The following VPS4A variants were observed in gnomAD, a reference collection of about 807,000 sequenced individuals.
VPS4A encodes vacuolar protein sorting 4 homolog A.
In VPS4A, 20 loss-of-function variants were observed where a neutral mutation model predicts 52.3. That is an observed-to-expected ratio of 0.38 (90% CI 0.27 to 0.56). The LOEUF (loss-of-function observed/expected upper bound fraction) is 0.56. VPS4A is among the 20% of genes least tolerant of loss of function. VPS4A has a pLI of 0.72. For missense variants in VPS4A, 419 were observed against 575.9 expected, an observed-to-expected ratio of 0.73 and a Z score of 2.79; for synonymous variants, 293 against 227.7, an observed-to-expected ratio of 1.29 and a Z score of -2.58.
At position 69,318,953 on chromosome 16, in the gene VPS4A, A is replaced by G. The variant is rs1965474278; in HGVS notation, c.463+11A>G. The G allele has an allele frequency of 8.7e-6, 14 of 1,610,546 alleles. No homozygotes were observed. Among genetic ancestry groups the G allele is most frequent in the Non-Finnish European group, 1.2e-5 (14 of 1,178,808 alleles). On this transcript the variant is annotated intron_variant, in intron 5 of 10. Coordinates refer to ENST00000254950, the MANE Select transcript of VPS4A (RefSeq NM_013245.3). ...CACACTTGTTCACAGGTGAGAGTTG[A>G]GCCATTTCAAACCCCAATGTAAAAA...
chr16:69,313,985 CTTTTT>C (rs71383985), intron 1 of VPS4A, among the ~76,000 whole-genome samples: 1 of 118,666 alleles, frequency 8.4e-6, no homozygotes, highest in Admixed American at 9.0e-5. Context: ...CCAGTGCACT[CTTTTT>C]TTTTTTTTTT....
At chr16:69,314,803 C>T (rs1965416116) in intron 1 of VPS4A, among the ~76,000 whole-genome samples, 1 of 152,108 alleles carries the variant, frequency 6.6e-6, no homozygotes, top group Non-Finnish European at 1.5e-5. Flanking sequence ...TTATTGTTTG[C>T]TGTGCCTGGA....
intron 5 of VPS4A, 92 bp downstream of exon 5, chr16:69,319,034 AGCCCCCGGGGCCTGCAGAG>A: frequency 6.5e-7 from 1 of 1,542,696 alleles, no homozygotes; most frequent in Non-Finnish European, 8.7e-7. Context: ...GTGGCGACTC[AGCCCCCGGGGCCTGCAGAG>A]GGCCAGGCCT....
At position 69,324,294 on chromosome 16, in the gene VPS4A, T is replaced by A; in HGVS notation, c.1299T>A (p.Phe433Leu). The change falls in exon 11 of 11, where the codon TTT becomes TTA. Residue 433 changes from phenylalanine (F) to leucine (L), a missense_variant. By Grantham distance (22) the Phe-to-Leu change is conservative. This residue lies in a region of VPS4A where 185 missense variants were observed against 200.2 expected (regional missense o/e 0.92). Transcript: ENST00000254950. The stretch of plus-strand genomic sequence containing the variant: ...AAGTGAAGAAATTCTCAGAGGACTT[T>A]GGGCAAGAGAGTTAAAAGCTGCTTC... ...LLKVKKFSED[F>L]GQES is the part of the protein sequence containing the mutation. 1.2e-6 allele frequency: 2 copies of A among 1,613,846 alleles called. No homozygotes were observed. The highest frequency in any genetic ancestry group is 8.5e-7 in the Non-Finnish European group (1 of 1,179,844).
At chr16:69,311,590 G>A in intron 1 of VPS4A, 58 bp downstream of exon 1, 2 of 1,238,812 alleles carry the variant, frequency 1.6e-6, no homozygotes, top group Non-Finnish European at 2.0e-6. Flanking sequence ...CCTGCGGGCC[G>A]CAGAGCCGGG....
At position 69,320,962 on chromosome 16, in the gene VPS4A, TC is replaced by T. The variant is rs1351451562; in HGVS notation, c.852-87del. 8 of 1,381,270 alleles carry T rather than the reference TC, an allele frequency of 5.8e-6. No individual in the cohort carries two copies. Among genetic ancestry groups the T allele is most frequent in the Non-Finnish European group, 8.0e-6 (8 of 999,232 alleles). The allele number at this position is 1,381,270 out of a possible 1,614,324, so 85.6% of individuals were successfully genotyped here. On this transcript the variant is annotated intron_variant, in intron 8 of 10. Transcript: ENST00000254950. This position sits in a 1 kb window ranked among gnomAD's most constrained non-coding sequence, Gnocchi z 4.2. ...CAGCATCACTGGCCCATGAAATGCG[TC>T]CGTTTCACTCAAATCTTCGTGCCTC...
At chr16:69,313,088 C>T (rs1254497339) in intron 1 of VPS4A, among the ~76,000 whole-genome samples, 1 of 151,994 alleles carries the variant, frequency 6.6e-6, no homozygotes, top group Non-Finnish European at 1.5e-5. Flanking sequence ...AAGTGATTCT[C>T]CTGCCTCAGC....
At chr16:69,317,184 A>T (rs1339385182) in intron 3 of VPS4A, among the ~76,000 whole-genome samples, 3 of 152,192 alleles carry the variant, frequency 2.0e-5, no homozygotes, top group Non-Finnish European at 4.4e-5. Context: ...GGGATCTCCA[A>T]TAAGGATTAA....
rs1965560593 is a variant in VPS4A at position 69,324,586 on chromosome 16, CT to C, written c.*281del. The C allele has an allele frequency of 2.5e-6, 1 of 407,910 alleles. No homozygotes were observed. The highest frequency in any genetic ancestry group is 4.6e-6 in the Non-Finnish European group (1 of 219,042). 25.3% of individuals were successfully genotyped at this position (407,910 alleles called of 1,614,324 possible). On this transcript the variant is annotated 3_prime_UTR_variant, in exon 11 of 11. Transcript: ENST00000254950. Reference sequence around the variant, plus strand: ...CTGCCTCCCCCCCTTTTTTTTCCATCTTTTGTTCCCCTAAATTAATGCTGCT... The same window carrying C: ...CTGCCTCCCCCCCTTTTTTTTCCATCTTTGTTCCCCTAAATTAATGCTGCT...
At chr16:69,322,360 C>A in intron 9 of VPS4A, 200 bp from the exon 10 acceptor site, 1 of 499,842 alleles carries the variant, frequency 2.0e-6, no homozygotes, top group East Asian at 3.1e-5. Context: ...GACATCAAGG[C>A]ATTGGGGCTA....
At chr16:69,319,068 G>A in intron 5 of VPS4A, 126 bp downstream of exon 5, 1 of 1,359,916 alleles carries the variant, frequency 7.4e-7, no homozygotes, top group South Asian at 1.4e-5. Context: ...AGGCCTGGCT[G>A]CTCGCTGGTG....
Position 69,325,404 on chromosome 16 carries a change from ACGCC to A in VPS4A, c.*1096_*1099del, listed in dbSNP as rs1567426296. ...CGAGAGTTGCTGGGCGCGGTGGCTC[ACGCC>A]TGTAATCCCAGCACTTTGGGCCGCT... On this transcript the variant is annotated 3_prime_UTR_variant, in exon 11 of 11. Coordinates refer to ENST00000254950, the MANE Select transcript of VPS4A (RefSeq NM_013245.3). The A allele has an allele frequency of 2.0e-5, 3 of 149,994 alleles. No homozygotes were observed. The highest frequency in any genetic ancestry group is 1.3e-4 in the Admixed American group (2 of 15,036). 9.3% of individuals were successfully genotyped at this position (149,994 alleles called of 1,614,324 possible).
chr16:69,318,210 C>A (rs547663523), intron 3 of VPS4A, among the ~76,000 whole-genome samples: 1 of 152,122 alleles, frequency 6.6e-6, no homozygotes, highest in Non-Finnish European at 1.5e-5. Flanking sequence ...TGGGCTCAAG[C>A]GATCCTCCCG....
At chr16:69,323,814 G>T (rs921512694) in intron 10 of VPS4A, 7 of 376,920 alleles carry the variant, frequency 1.9e-5, no homozygotes. Flanking sequence ...GCCATGTGTG[G>T]TGGCACGTGC....
At position 69,321,207 on chromosome 16, in the gene VPS4A, C is replaced by T. The variant is rs898075920; in HGVS notation, c.1008C>T (p.Ile336=). The T allele has an allele frequency of 1.9e-6, 3 of 1,569,282 alleles. No individual in the cohort carries two copies. The highest frequency in any genetic ancestry group is 2.6e-6 in the Non-Finnish European group (3 of 1,157,758). Residue 336 remains isoleucine (I), a synonymous_variant, in exon 9 of 11, where the codon ATC becomes ATT. Transcript: ENST00000254950. This position sits in a 1 kb window ranked among gnomAD's most constrained non-coding sequence, Gnocchi z 4.5. Reference sequence around the variant, plus strand: ...GCTACTCGGGCGCGGACATCAGCATCATCGTGCGGGACTCTCTCATGCAGC... The same window carrying T: ...GCTACTCGGGCGCGGACATCAGCATTATCGTGCGGGACTCTCTCATGCAGC... ...TEGYSGADIS[I]IVRDSLMQPV...
intron 3 of VPS4A, among the ~76,000 whole-genome samples, chr16:69,317,953 CAAAAAA>C (rs35907075): frequency 4.3e-5 from 2 of 46,068 alleles, no homozygotes; most frequent in Admixed American, 2.4e-4. Flanking sequence ...GGCACCATCT[CAAAAAA>C]AAAAAAAAAA....
Position 69,319,325 on chromosome 16 carries a change from C to T in VPS4A, c.464-62C>T, listed in dbSNP as rs1419866879. ...TACTGTATGTATGGGACTCGAGACC[C>T]TCTGCTTTTCCTATTCCTTTCCCCA... On this transcript the variant is annotated intron_variant, in intron 5 of 10. Coordinates refer to ENST00000254950, the MANE Select transcript of VPS4A (RefSeq NM_013245.3). The T allele has an allele frequency of 3.1e-6, 5 of 1,596,092 alleles. No homozygotes were observed. In the African/African-American group the frequency reaches 5.4e-5, roughly 17 times the overall value.
At chr16:69,314,421 G>A (rs977516792) in intron 1 of VPS4A, among the ~76,000 whole-genome samples, 6 of 152,050 alleles carry the variant, frequency 3.9e-5, no homozygotes, top group African/African-American at 1.2e-4. Flanking sequence ...AGGTACTGGG[G>A]GTGTGTGTTC....
In VPS4A at chr16:69,326,788, T is replaced by C. The variant is rs1427457266; in HGVS notation, c.*2479T>C. 2 of 152,270 alleles carry C rather than the reference T, an allele frequency of 1.3e-5. No homozygotes were observed. Among genetic ancestry groups the C allele is most frequent in the Non-Finnish European group, 2.9e-5 (2 of 68,046 alleles). The allele number at this position is 152,270 out of a possible 1,614,324, so 9.4% of individuals were successfully genotyped here. ...TGCCTGGGGATTCTGTTATAAACCT[T>C]CTGCCTACATTGGCTTTCACTGTGG... On this transcript the variant is annotated 3_prime_UTR_variant, in exon 11 of 11. Transcript: ENST00000254950.
Sources: allele counts gnomAD v4.1 joint callset (sites outside exome capture counted in the v4.1 genomes callset), GRCh38; gene constraint gnomAD v4.1.1; regional missense constraint gnomAD v4.1.1; non-coding constraint Gnocchi (gnomAD v3.1); transcripts MANE v1.5; gene names NCBI Gene and HGNC (gene_info 2026-07-23, HGNC 2026-07-21).